Variants in MGST2 observed in about 807,000 individuals in gnomAD.
MGST2 encodes the protein glutathione peroxidase MGST2.
Under a neutral mutation model 16.6 loss-of-function variants are expected in MGST2, and 9 were observed. The observed-to-expected ratio is 0.54, with a 90% CI of 0.33 to 0.95. MGST2 has a LOEUF of 0.95. Among genes scored for constraint, MGST2 ranks in the 40% least tolerant of loss-of-function variants. MGST2 has a pLI of 0.03. For missense variants in MGST2, 159 were observed against 175.1 expected (o/e 0.91, Z 0.52); for synonymous variants, 79 against 68.0 (o/e 1.16, Z -0.79).
intron 5 of MGST2, chr4:139,719,442 C>G: frequency 6.2e-7 from 1 of 1,614,014 alleles, no homozygotes; most frequent in Non-Finnish European, 8.5e-7. Context: ...CCCCCAGCTC[C>G]GTCGCCACTG....
At chr4:139,753,341 A>AATCTATCTATCTATCT in the MGST2 span, among the ~76,000 whole-genome samples, 36 of 146,690 alleles carry the variant, frequency 2.5e-4, no homozygotes, top group South Asian at 4.4e-4. Flanking sequence ...TTTTCTTTTT[A>AATCTATCTATCTATCT]ATCTATCTAT....
intron 1 of MGST2, among the ~76,000 whole-genome samples, chr4:139,673,666 G>A (rs1002267084): frequency 3.9e-5 from 6 of 151,998 alleles, no homozygotes; most frequent in Non-Finnish European, 7.4e-5. Context: ...CTCCTGCCTC[G>A]GCCTCCCAGA....
At position 139,666,183 on chromosome 4, in the gene MGST2, T is replaced by C. The variant is rs550495622; in HGVS notation, c.58+106T>C. ...GAGGGAGGGAGATGGGTCCGGTGTT[T>C]TGTTTCCTACTTGCCCTTGCAGGTA... is the stretch of plus-strand genomic sequence containing the variant. On this transcript the variant is annotated intron_variant, in intron 1 of 4. Transcript: ENST00000265498. 3.2e-6 allele frequency: 4 copies of C among 1,230,864 alleles called. No homozygotes were observed. In the African/African-American group the frequency reaches 5.8e-5, roughly 18 times the overall value. 76.2% of individuals were successfully genotyped at this position (1,230,864 alleles called of 1,614,324 possible). A position where few individuals can be genotyped will look rare whatever the true frequency, so the allele number is the denominator to read the frequency against.
chr4:139,745,422 T>C (rs1579385546), downstream of MGST2, among the ~76,000 whole-genome samples: 1 of 151,936 alleles, frequency 6.6e-6, no homozygotes, highest in African/African-American at 2.4e-5. Context: ...GCAGGAAGGG[T>C]TGGGAGGTAG....
chr4:139,676,516 T>C (rs1087784), intron 1 of MGST2, among the ~76,000 whole-genome samples: 2,598 of 152,284 alleles, frequency 0.017, 71 homozygotes, highest in African/African-American at 0.058. Flanking sequence ...CAGAAGTCCT[T>C]TCTCTTTGGG....
In MGST2 at chr4:139,698,161, G is replaced by C. The variant is rs574871170; in HGVS notation, c.229+2894G>C. On this transcript the variant is annotated intron_variant, in intron 3 of 4. Coordinates refer to ENST00000265498, the MANE Select transcript of MGST2 (RefSeq NM_002413.5). ...GTGGATTCTTAAGCACGTTCTCCAC[G>C]TATGCTGTGTGCTAGCTGGATGTCT... is the stretch of plus-strand genomic sequence containing the variant. 2.6e-6 allele frequency: 4 copies of C among 1,551,450 alleles called. No homozygotes were observed. The South Asian group carries it at 3.4e-5, about 13-fold the overall frequency.
the MGST2 span, among the ~76,000 whole-genome samples, chr4:139,748,222 G>A: frequency 6.6e-6 from 1 of 152,220 alleles, no homozygotes; most frequent in African/African-American, 2.4e-5. Context: ...GGCCTAAACA[G>A]GAAGATGGGA....
At chr4:139,751,908 T>C in the MGST2 span, among the ~76,000 whole-genome samples, 1 of 152,150 alleles carries the variant, frequency 6.6e-6, no homozygotes, top group South Asian at 2.1e-4. Flanking sequence ...TAAAGAAAGG[T>C]ACACATTCAA....
At chr4:139,751,209 T>C in the MGST2 span, among the ~76,000 whole-genome samples, 10 of 152,182 alleles carry the variant, frequency 6.6e-5, no homozygotes, top group Admixed American at 5.9e-4. Flanking sequence ...TGGGTTTAGA[T>C]TTTCTAGGAG....
chr4:139,699,686 G>A (rs918008721), intron 3 of MGST2, among the ~76,000 whole-genome samples: 1 of 151,668 alleles, frequency 6.6e-6, no homozygotes, highest in Non-Finnish European at 1.5e-5. Flanking sequence ...GTTGTTCAAG[G>A]GTCACCTATA....
rs776077826 is a variant in MGST2, at chr4:139,695,287, A to G, written c.229+20A>G. 7.0e-6 allele frequency: 11 copies of G among 1,578,562 alleles called. No individual in the cohort carries two copies. The highest frequency in any genetic ancestry group is 7.0e-6 in the Non-Finnish European group (8 of 1,147,618). On this transcript the variant is annotated intron_variant, in intron 3 of 4. Transcript: ENST00000265498. Reference sequence around the variant, plus strand: ...ACCAAGGTAATGTTAAAATACAGTCAACTGTGTTCTAATGATGACTGTGAT... The same window carrying G: ...ACCAAGGTAATGTTAAAATACAGTCGACTGTGTTCTAATGATGACTGTGAT...
intron 5 of MGST2, chr4:139,720,394 AT>A (rs1238252492): frequency 2.9e-6 from 4 of 1,395,964 alleles, no homozygotes; most frequent in Non-Finnish European, 3.8e-6. Flanking sequence ...AGATGTTGGA[AT>A]TTTCTTTGGG....
Position 139,715,791 on chromosome 4 carries a change from T to TG in MGST2, c.*48+11597dup, listed in dbSNP as rs1181205831. ...TCGCTATTTTGGTTTTGGTGGGCTT[T>TG]GGCTGGCTCCTTTACTGCAAACTGT... On this transcript the variant is annotated intron_variant, in intron 5 of 5. Coordinates refer to the MGST2 transcript ENST00000616265. This position sits in a 1 kb window ranked among gnomAD's most constrained non-coding sequence, Gnocchi z 4.4. 1.3e-5 allele frequency among the ~76,000 whole-genome samples: 2 copies of TG among 152,204 alleles called. No individual in the cohort carries two copies. The highest frequency in any genetic ancestry group is 4.8e-5 in the African/African-American group (2 of 41,450).
At position 139,698,240 on chromosome 4, in the gene MGST2, A is replaced by C. The variant is rs1296711421; in HGVS notation, c.229+2973A>C. On this transcript the variant is annotated intron_variant, in intron 3 of 4. Coordinates refer to ENST00000265498, the MANE Select transcript of MGST2 (RefSeq NM_002413.5). ...GGATAGCACACAGGTTGGTGTCTTC[A>C]AAAAGGCCAACCAGATAGGCCTCAC... 2.6e-6 allele frequency: 3 copies of C among 1,153,788 alleles called. No individual in the cohort carries two copies. The African/African-American group carries it at 4.6e-5, about 18-fold the overall frequency. The allele number at this position is 1,153,788 out of a possible 1,614,324, so 71.5% of individuals were successfully genotyped here.
chr4:139,669,581 C>T (rs75566548), intron 1 of MGST2, among the ~76,000 whole-genome samples: 11,222 of 152,156 alleles, frequency 0.074, 575 homozygotes, highest in African/African-American at 0.15. Context: ...GGTCCTTCTT[C>T]GAAGAGAGAA....
intron 3 of MGST2, among the ~76,000 whole-genome samples, chr4:139,701,770 C>A (rs774860633): frequency 1.5e-4 from 23 of 151,778 alleles, no homozygotes; most frequent in Admixed American, 3.9e-4. Context: ...TCAAGACCAG[C>A]CTAGGCAACA....
intron 4 of MGST2, 68 bp from the exon 5 acceptor site, chr4:139,703,948 C>T (rs2110909513): frequency 6.3e-7 from 1 of 1,595,444 alleles, no homozygotes; most frequent in Non-Finnish European, 8.6e-7. Context: ...GGACAGCCTA[C>T]CTCAGGACTC....
At chr4:139,705,655 A>T (rs1442463808), downstream of MGST2, 1 of 151,318 alleles carries the variant, frequency 6.6e-6, no homozygotes, top group African/African-American at 2.4e-5. Flanking sequence ...GAAGAAGTAA[A>T]AAAAGGATAC....
chr4:139,689,149 A>G (rs1216790354), intron 2 of MGST2, among the ~76,000 whole-genome samples: 1 of 150,654 alleles, frequency 6.6e-6, no homozygotes, highest in Non-Finnish European at 1.5e-5. Context: ...AAAATGACAG[A>G]GTGACTCTGT....
Sources: allele counts gnomAD v4.1 joint callset (sites outside exome capture counted in the v4.1 genomes callset), GRCh38; gene constraint gnomAD v4.1.1; non-coding constraint Gnocchi (gnomAD v3.1); transcripts MANE v1.5; gene names NCBI Gene and HGNC (gene_info 2026-07-23, HGNC 2026-07-21).